The following GRIK2 variants were observed in gnomAD, a reference collection of about 807,000 sequenced individuals.
GRIK2 encodes glutamate receptor ionotropic, kainate 2.
Under a neutral mutation model 100.3 loss-of-function variants are expected in GRIK2, and 32 were observed. That is an observed-to-expected ratio of 0.32 (90% CI 0.24 to 0.43). The LOEUF (loss-of-function observed/expected upper bound fraction) is 0.43. GRIK2 is among the 20% of genes least tolerant of loss of function. The pLI, the probability that GRIK2 is intolerant of heterozygous loss-of-function variation, is 1.00. For synonymous variants in GRIK2, 417 were observed against 389.4 expected, an observed-to-expected ratio of 1.07 and a Z score of -0.83; for missense variants, 843 against 1,114.9, an observed-to-expected ratio of 0.76 and a Z score of 3.47.
intron 2 of GRIK2, among the ~76,000 whole-genome samples, chr6:101,565,564 CAAAG>C (rs560355411): frequency 1.9e-4 from 29 of 151,978 alleles, no homozygotes; most frequent in African/African-American, 7.0e-4. Flanking sequence ...AATTATTTAA[CAAAG>C]AAGATTGCAT....
intron 4 of GRIK2, among the ~76,000 whole-genome samples, chr6:101,669,462 T>C (rs539831853): frequency 7.2e-5 from 11 of 152,260 alleles, no homozygotes; most frequent in African/African-American, 2.6e-4. Context: ...GAGACTTATT[T>C]TTTCCTAAAA....
rs78016760 is a variant in GRIK2 at position 102,044,793 on chromosome 6, T to C, written c.2311+9227T>C. On this transcript the variant is annotated intron_variant, in intron 15 of 16. Transcript: ENST00000369134. ...CAAACAAGTTGGGTTTCCTTCTGCC[T>C]GAGTTTACCTTTTTTCACTCTTCCT... Among the ~76,000 whole-genome samples, 443 of 152,098 alleles carry C rather than the reference T, an allele frequency of 2.9e-3. 3 individuals are homozygous for C. Among genetic ancestry groups the C allele is most frequent in the Middle Eastern group, 0.014 (4 of 294 alleles).
chr6:101,610,896 T>C (rs1779644028), intron 2 of GRIK2, among the ~76,000 whole-genome samples: 1 of 151,842 alleles, frequency 6.6e-6, no homozygotes, highest in South Asian at 2.1e-4. Flanking sequence ...CTCAGTTTGA[T>C]CAGTTCTATT....
At chr6:101,591,812 G>T (rs1380041246) in intron 2 of GRIK2, among the ~76,000 whole-genome samples, 2 of 152,012 alleles carry the variant, frequency 1.3e-5, no homozygotes, top group Non-Finnish European at 2.9e-5. Context: ...AATACAATGG[G>T]CTTTGTATTT....
At chr6:101,736,678 G>C (rs1005502759) in intron 7 of GRIK2, among the ~76,000 whole-genome samples, 1 of 152,120 alleles carries the variant, frequency 6.6e-6, no homozygotes. Flanking sequence ...TTTCTTCCTA[G>C]GCCTCTGGGC....
At chr6:101,673,747 C>T (rs1770610230) in intron 4 of GRIK2, among the ~76,000 whole-genome samples, 2 of 152,162 alleles carry the variant, frequency 1.3e-5, no homozygotes. Flanking sequence ...TTCTTTCCAA[C>T]CAAAATATTA....
chr6:101,696,265 A>G (rs56179905), intron 7 of GRIK2, among the ~76,000 whole-genome samples: 12,706 of 151,764 alleles, frequency 0.084, 1,752 homozygotes, highest in African/African-American at 0.29. Flanking sequence ...TCTAAAAACT[A>G]TCATAAATAT....
At chr6:101,696,708 A>C (rs2128349837) in intron 7 of GRIK2, among the ~76,000 whole-genome samples, 1 of 151,982 alleles carries the variant, frequency 6.6e-6, no homozygotes, top group South Asian at 2.1e-4. Flanking sequence ...TGGGGCAGTT[A>C]TCATCTTCAT....
Position 101,686,262 on chromosome 6 carries a change from C to T in GRIK2, c.860C>T (p.Thr287Ile). The T allele has an allele frequency of 6.2e-7, 1 of 1,612,526 alleles. No individual in the cohort carries two copies. Among genetic ancestry groups the T allele is most frequent in the Non-Finnish European group, 8.5e-7 (1 of 1,178,736 alleles). The change falls in exon 7 of 17, where the codon ACC becomes ATC. Residue 287 changes from threonine to isoleucine, a missense_variant. Physicochemically the swap from Thr to Ile is moderately conservative, Grantham distance 89. Transcript: ENST00000369134. The stretch of plus-strand genomic sequence containing the variant: ...TTCAGAATATTAAATACAGAAAATA[C>T]CCAAGTCTCCTCCATCATTGAAAAG... ...TGFRILNTEN[T>I]QVSSIIEKWS... is the part of the protein sequence containing the mutation.
intron 11 of GRIK2, among the ~76,000 whole-genome samples, chr6:101,880,704 C>G (rs1175777478): frequency 6.6e-6 from 1 of 151,828 alleles, no homozygotes; most frequent in Non-Finnish European, 1.5e-5. Flanking sequence ...ATTTTTATAT[C>G]TAAACAGAAG....
At chr6:101,487,203 G>A in intron 2 of GRIK2, among the ~76,000 whole-genome samples, 1 of 146,336 alleles carries the variant, frequency 6.8e-6, no homozygotes, top group Non-Finnish European at 1.5e-5. Context: ...AACATTTATT[G>A]TTTAATAATG....
chr6:101,908,745 T>C (rs888884901), intron 12 of GRIK2, among the ~76,000 whole-genome samples: 5 of 151,132 alleles, frequency 3.3e-5, no homozygotes, highest in Admixed American at 6.6e-5. Flanking sequence ...AAAATATTTC[T>C]ATGAAAAGAC....
At chr6:102,040,155 T>C (rs763967154) in intron 15 of GRIK2, among the ~76,000 whole-genome samples, 10 of 151,518 alleles carry the variant, frequency 6.6e-5, no homozygotes, top group Non-Finnish European at 1.3e-4. Context: ...ATACACACTA[T>C]ACATGAAGAA....
intron 4 of GRIK2, among the ~76,000 whole-genome samples, chr6:101,655,789 C>T (rs926767055): frequency 6.6e-6 from 1 of 151,994 alleles, no homozygotes; most frequent in Non-Finnish European, 1.5e-5. Flanking sequence ...TCTAAATGTG[C>T]ATGGGAAGGG....
rs2518314 is a variant in GRIK2 at position 101,636,984 on chromosome 6, A to C, written c.541+10347A>C. Among the ~76,000 whole-genome samples, 289 of 152,084 alleles carry C rather than the reference A, an allele frequency of 1.9e-3. 2 individuals carry two copies. The highest frequency in any genetic ancestry group is 6.9e-3 in the African/African-American group (285 of 41,514). ...TCTGAAACACTTGAAAATTTTGACC[A>C]TTCCTTTTTTCAGGGCAAAAATAAA... On this transcript the variant is annotated intron_variant, in intron 4 of 16. Transcript: ENST00000369134.
chr6:101,639,858 C>T (rs937526179), intron 4 of GRIK2, among the ~76,000 whole-genome samples: 3 of 152,128 alleles, frequency 2.0e-5, no homozygotes, highest in African/African-American at 7.2e-5. Flanking sequence ...GATAGTATTT[C>T]AGTGACTCAA....
chr6:101,882,344 G>A (rs1256769296), intron 11 of GRIK2, among the ~76,000 whole-genome samples: 3 of 151,956 alleles, frequency 2.0e-5, no homozygotes, highest in African/African-American at 4.8e-5. Context: ...TTTGGGTGGG[G>A]AATAAAACAA....
intron 7 of GRIK2, among the ~76,000 whole-genome samples, chr6:101,767,998 A>T (rs998544541): frequency 1.3e-5 from 2 of 151,964 alleles, no homozygotes; most frequent in African/African-American, 2.4e-5. Context: ...AGCTGGGACC[A>T]CAGGCATGCG....
At chr6:101,520,364 ATATATATTACAT>A (rs1483911406) in intron 2 of GRIK2, among the ~76,000 whole-genome samples, 65 of 150,224 alleles carry the variant, frequency 4.3e-4, no homozygotes, top group South Asian at 1.0e-3. Context: ...ATATATTACA[ATATATATTACAT>A]TATATATTAC....
Sources: allele counts gnomAD v4.1 joint callset (sites outside exome capture counted in the v4.1 genomes callset), GRCh38; gene constraint gnomAD v4.1.1; transcripts MANE v1.5; gene names NCBI Gene and HGNC (gene_info 2026-07-23, HGNC 2026-07-21).